SYNE2: variants seen among roughly 807,000 people sequenced by gnomAD.
SYNE2 encodes the protein nesprin-2.
Under a neutral mutation model 856.3 loss-of-function variants are expected in SYNE2, and 431 were observed. That is an observed-to-expected ratio of 0.50 (90% CI 0.47 to 0.55). The LOEUF is 0.55. Among genes scored for constraint, SYNE2 ranks in the 20% least tolerant of loss-of-function variants. SYNE2 has a pLI of 0.00. For missense variants in SYNE2, 8,129 were observed against 8,023.2 expected, an observed-to-expected ratio of 1.01 and a Z score of -0.50; for synonymous variants, 2,923 against 2,872.3, an observed-to-expected ratio of 1.02 and a Z score of -0.56.
chr14:63,847,260 C>T (rs909233103), intron 1 of SYNE2, among the ~76,000 whole-genome samples: 11 of 151,448 alleles, frequency 7.3e-5, no homozygotes, highest in Non-Finnish European at 1.0e-4. Context: ...ACCTGGGTAA[C>T]ATATAGAGAC....
intron 1 of SYNE2, among the ~76,000 whole-genome samples, chr14:63,865,598 G>C (rs889946617): frequency 1.3e-5 from 2 of 151,416 alleles, no homozygotes; most frequent in African/African-American, 4.9e-5. Flanking sequence ...TGAGCAGGCT[G>C]GTCTTGAACT....
chr14:64,122,353 G>C lies in SYNE2; in HGVS notation c.13348G>C (p.Asp4450His). ...SILSPQGQNG[D>H]KWQYLHHELS... is the part of the protein sequence containing the mutation. Reference sequence around the variant, plus strand: ...CTTGTCACCCCAGGGCCAAAATGGAGATAAGTGGCAATATCTGCATCATGA... The same window carrying C: ...CTTGTCACCCCAGGGCCAAAATGGACATAAGTGGCAATATCTGCATCATGA... The change falls in exon 70 of 116, where the codon GAT (aspartate) becomes CAT (histidine). Residue 4450 changes from aspartate (D) to histidine (H), a missense_variant. Transcript: ENST00000555002. The C allele has an allele frequency of 6.2e-7, 1 of 1,614,188 alleles. No homozygotes were observed. Among genetic ancestry groups the C allele is most frequent in the South Asian group, 1.1e-5 (1 of 91,086 alleles).
chr14:63,942,871 T>A (rs2095944634), intron 6 of SYNE2, among the ~76,000 whole-genome samples: 2 of 152,186 alleles, frequency 1.3e-5, no homozygotes, highest in South Asian at 4.1e-4. Flanking sequence ...CCTCAGGTGA[T>A]CTGCCTGCCT....
At position 64,119,570 on chromosome 14, in the gene SYNE2, A is replaced by G. The variant is rs151314114; in HGVS notation, c.12984A>G (p.Lys4328=). 5.2e-4 allele frequency: 833 copies of G among 1,614,194 alleles called. 3 individuals carry two copies. In the African/African-American group the frequency reaches 9.8e-3, roughly 19 times the overall value. The change falls in exon 67 of 116, where the codon AAA becomes AAG. Residue 4328 remains lysine (K), a synonymous_variant. Coordinates refer to ENST00000555002, the MANE Select transcript of SYNE2 (RefSeq NM_182914.3). ...KLKTVKCNLE[K]VQMMLQEKHS... ...AAACAGTGAAGTGCAATTTAGAAAA[A>G]GTCCAGATGATGCTTCAGGAGAAGC... is the stretch of plus-strand genomic sequence containing the variant.
chr14:64,123,271 C>T (rs554064136), intron 70 of SYNE2, among the ~76,000 whole-genome samples: 1 of 152,320 alleles, frequency 6.6e-6, no homozygotes, highest in South Asian at 2.1e-4. Context: ...CTCTATCAGG[C>T]TGGCTTGCTG....
chr14:64,005,431 G>A (rs542338182), intron 30 of SYNE2, among the ~76,000 whole-genome samples: 1 of 152,234 alleles, frequency 6.6e-6, no homozygotes, highest in South Asian at 2.1e-4. Flanking sequence ...ATGGACATGG[G>A]GTGTAAAAGA....
chr14:63,940,782 G>A (rs904677593), intron 3 of SYNE2, 107 bp downstream of exon 3: 6 of 949,524 alleles, frequency 6.3e-6, no homozygotes, highest in Admixed American at 6.0e-5. Context: ...GGTGATGACA[G>A]GGAAAAGGTT....
At position 63,964,506 on chromosome 14, in the gene SYNE2, ATTTTAT is replaced by A. The variant is rs567876488; in HGVS notation, c.990+535_990+540del. Among the ~76,000 whole-genome samples, 231 of 152,074 alleles carry A rather than the reference ATTTTAT, an allele frequency of 1.5e-3. 1 individual carries two copies. The highest frequency in any genetic ancestry group is 2.7e-3 in the African/African-American group (113 of 41,500). On this transcript the variant is annotated intron_variant, in intron 10 of 115. Coordinates refer to ENST00000555002, the MANE Select transcript of SYNE2 (RefSeq NM_182914.3). ...TGGTTTAAAGCAGAACATGCTTTTT[ATTTTAT>A]TTTTATTTTTATTTTTATTTTTATT...
intron 34 of SYNE2, among the ~76,000 whole-genome samples, chr14:64,019,048 A>G (rs1452334665): frequency 3.3e-5 from 5 of 152,192 alleles, no homozygotes; most frequent in Non-Finnish European, 7.3e-5. Context: ...AAGCAGGTGG[A>G]TCACTTGAGG....
At chr14:63,949,505 C>T (rs1007947777) in intron 6 of SYNE2, among the ~76,000 whole-genome samples, 13 of 152,070 alleles carry the variant, frequency 8.5e-5, no homozygotes, top group African/African-American at 2.9e-4. Flanking sequence ...TGGTTCAGTT[C>T]GATTTATTTG....
chr14:63,832,051 T>C (rs916003459), intron 1 of SYNE2, among the ~76,000 whole-genome samples: 1 of 152,156 alleles, frequency 6.6e-6, no homozygotes, highest in Non-Finnish European at 1.5e-5. Flanking sequence ...AGTCTATTAG[T>C]GGCAAAGAGG....
chr14:64,091,121 T>A, intron 60 of SYNE2, 73 bp downstream of exon 60: 1 of 1,354,716 alleles, frequency 7.4e-7, no homozygotes, highest in Non-Finnish European at 1.0e-6. Flanking sequence ...TTTTCACTTC[T>A]AATTGAAATT....
intron 11 of SYNE2, among the ~76,000 whole-genome samples, 176 bp from the exon 12 acceptor site, chr14:63,976,387 A>T (rs1453275598): frequency 6.6e-6 from 1 of 152,198 alleles, no homozygotes; most frequent in African/African-American, 2.4e-5. Flanking sequence ...CAAGTAGCTA[A>T]GTGATATTTA....
chr14:63,980,215 T>C (rs1415851963), intron 14 of SYNE2, among the ~76,000 whole-genome samples: 1 of 152,220 alleles, frequency 6.6e-6, no homozygotes, highest in African/African-American at 2.4e-5. Flanking sequence ...TGGTAGTTTC[T>C]GAAATGTTTT....
chr14:64,172,932 TG>T (rs779278020), intron 94 of SYNE2, among the ~76,000 whole-genome samples: 3 of 144,162 alleles, frequency 2.1e-5, no homozygotes, highest in African/African-American at 8.3e-5. Context: ...AAGACCTGTC[TG>T]GAAAAAAAAA....
chr14:64,052,738 T>C lies in SYNE2; in HGVS notation c.8825T>C (p.Ile2942Thr), dbSNP rs2097236781. The C allele has an allele frequency of 6.2e-7, 1 of 1,613,088 alleles. No homozygotes were observed. Among genetic ancestry groups the C allele is most frequent in the Middle Eastern group, 1.7e-4 (1 of 6,056 alleles). Reference protein sequence around the residue: ...QNTCNEVEHKIKFCRQFHEKT... With the variant: ...QNTCNEVEHKTKFCRQFHEKT... ...ACATGTAATGAAGTGGAACACAAGA[T>C]AAAGTTTTGCAGACAATTCCATGAA... The change falls in exon 48 of 116, where the codon ATA becomes ACA. Residue 2942 changes from isoleucine (I) to threonine (T), a missense_variant. By Grantham distance (89) the Ile-to-Thr change is moderately conservative. Transcript: ENST00000555002.
chr14:64,167,206 A>G, intron 90 of SYNE2, 27 bp from the exon 91 acceptor site: 1 of 1,613,678 alleles, frequency 6.2e-7, no homozygotes, highest in Non-Finnish European at 8.5e-7. Flanking sequence ...GCATCCAAAA[A>G]CCTGTACTTC....
intron 32 of SYNE2, among the ~76,000 whole-genome samples, chr14:64,013,051 A>AG (rs2096859347): frequency 6.6e-6 from 1 of 152,204 alleles, no homozygotes; most frequent in Non-Finnish European, 1.5e-5. Context: ...GAATGTCAGG[A>AG]GACTATTAAA....
At chr14:63,863,894 G>C (rs1325256953) in intron 1 of SYNE2, among the ~76,000 whole-genome samples, 1 of 152,004 alleles carries the variant, frequency 6.6e-6, no homozygotes, top group Non-Finnish European at 1.5e-5. Context: ...GTGTGATCTT[G>C]GCTCACTGCA....
Sources: gnomAD v4.1 joint callset for allele counts (sites outside exome capture counted in the v4.1 genomes callset) on GRCh38, gnomAD v4.1.1 for gene constraint, MANE v1.5 for transcripts, NCBI Gene and HGNC (gene_info 2026-07-23, HGNC 2026-07-21) for gene names.